Variants in CHURC1 observed in about 807,000 individuals in gnomAD.
CHURC1 encodes protein Churchill.
A neutral mutation model predicts 15.4 loss-of-function variants in CHURC1; 12 were observed. The ratio of observed to expected loss-of-function variants is 0.78; its 90% confidence interval spans 0.50 to 1.27. CHURC1 has a LOEUF of 1.27. CHURC1 is among the 50% of genes most tolerant of loss of function. The pLI is 0.00. For synonymous variants in CHURC1, 42 were observed against 47.5 expected (o/e 0.88, Z 0.48); for missense variants, 132 against 137.8 (o/e 0.96, Z 0.21).
chr14:64,922,305 A>G (rs1181098056), intron 1 of CHURC1, among the ~76,000 whole-genome samples: 1 of 152,128 alleles, frequency 6.6e-6, no homozygotes, highest in East Asian at 1.9e-4. Flanking sequence ...AAGGCTGGGC[A>G]CAGTGGCTCA....
chr14:64,923,912 G>C, intron 1 of CHURC1, 79 bp from the exon 2 acceptor site: 1 of 1,284,584 alleles, frequency 7.8e-7, no homozygotes, highest in Non-Finnish European at 1.0e-6. Context: ...TTTGCCTTTA[G>C]ACATTTTAAG....
chr14:64,923,254 A>T (rs573346272), intron 1 of CHURC1, among the ~76,000 whole-genome samples: 169 of 145,238 alleles, frequency 1.2e-3, no homozygotes, highest in African/African-American at 4.2e-3. Flanking sequence ...GCAACATAGC[A>T]AGACCCCATC....
intron 1 of CHURC1, among the ~76,000 whole-genome samples, chr14:64,915,693 A>T (rs1230691837): frequency 6.6e-6 from 1 of 152,228 alleles, no homozygotes; most frequent in Non-Finnish European, 1.5e-5. Flanking sequence ...AACTACTTTG[A>T]AAAAGCGGGT....
At chr14:64,923,170 A>C (rs186058280) in intron 1 of CHURC1, among the ~76,000 whole-genome samples, 30 of 151,714 alleles carry the variant, frequency 2.0e-4, no homozygotes, top group Admixed American at 1.8e-3. Context: ...ACGGTGGCTC[A>C]CAACTGTAAT....
intron 2 of CHURC1, among the ~76,000 whole-genome samples, chr14:64,924,720 A>G (rs984792832): frequency 4.6e-5 from 7 of 152,218 alleles, no homozygotes; most frequent in African/African-American, 1.7e-4. Context: ...TGGGAAACCA[A>G]ATAAACTATG....
intron 2 of CHURC1, among the ~76,000 whole-genome samples, chr14:64,924,806 T>C (rs1431587901): frequency 6.6e-6 from 1 of 152,240 alleles, no homozygotes; most frequent in African/African-American, 2.4e-5. Flanking sequence ...GTGCCCAATA[T>C]TGTGAGAAGT....
chr14:64,914,835 C>T (rs1172064307), intron 1 of CHURC1, among the ~76,000 whole-genome samples: 1 of 152,256 alleles, frequency 6.6e-6, no homozygotes, highest in Admixed American at 6.5e-5. Context: ...CCCCCACTTC[C>T]GGTCTCATCC....
At chr14:64,923,761 A>G (rs1594896059) in intron 1 of CHURC1, among the ~76,000 whole-genome samples, 1 of 147,592 alleles carries the variant, frequency 6.8e-6, no homozygotes, top group East Asian at 1.9e-4. Context: ...TTACAGACTT[A>G]AGGATCTAAC....
chr14:64,924,244 T>C, intron 2 of CHURC1, 118 bp downstream of exon 2: 1 of 1,207,170 alleles, frequency 8.3e-7, no homozygotes. Flanking sequence ...ACATAATTAC[T>C]AGTTAGGTCT....
intron 1 of CHURC1, among the ~76,000 whole-genome samples, chr14:64,915,687 A>G (rs755149073): frequency 1.3e-4 from 20 of 152,232 alleles, no homozygotes; most frequent in Non-Finnish European, 2.9e-4. Flanking sequence ...TAGTACAACT[A>G]CTTTGAAAAA....
chr14:64,914,976 A>G (rs1243914240), intron 1 of CHURC1, among the ~76,000 whole-genome samples: 1 of 152,242 alleles, frequency 6.6e-6, no homozygotes, highest in Non-Finnish European at 1.5e-5. Context: ...CACTTGCCCA[A>G]GTTCACATTC....
At chr14:64,926,708 G>A (rs1884734950) in intron 3 of CHURC1, among the ~76,000 whole-genome samples, 1 of 152,170 alleles carries the variant, frequency 6.6e-6, no homozygotes, top group Non-Finnish European at 1.5e-5. Flanking sequence ...AGACATTATA[G>A]TATTGTTAAG....
chr14:64,918,690 C>T lies in CHURC1; in HGVS notation c.39+4156C>T, dbSNP rs868666026. On this transcript the variant is annotated intron_variant, in intron 1 of 3. Coordinates refer to ENST00000549115, the MANE Select transcript of CHURC1 (RefSeq NM_001386928.1). The stretch of plus-strand genomic sequence containing the variant: ...TAAAAATTAAAAAACATTAGCCAGG[C>T]GTGGTGGTGTGTGCCTATAGTTCCA... Among the ~76,000 whole-genome samples, 10 of 152,150 alleles carry T rather than the reference C, an allele frequency of 6.6e-5. No homozygotes were observed. In the South Asian group the frequency reaches 8.3e-4, roughly 13 times the overall value.
At chr14:64,920,301 G>A (rs187026590) in intron 1 of CHURC1, among the ~76,000 whole-genome samples, 2 of 152,176 alleles carry the variant, frequency 1.3e-5, no homozygotes, top group Admixed American at 6.5e-5. Flanking sequence ...TAAACATGTC[G>A]ACTTTTTTCC....
intron 1 of CHURC1, among the ~76,000 whole-genome samples, chr14:64,916,762 T>C (rs927528494): frequency 6.6e-6 from 1 of 152,056 alleles, no homozygotes; most frequent in African/African-American, 2.4e-5. Context: ...GTATTTTTAG[T>C]AGAGACAGGG....
intron 1 of CHURC1, among the ~76,000 whole-genome samples, chr14:64,919,883 CAAAAAGAAAA>C: frequency 7.1e-6 from 1 of 140,718 alleles, no homozygotes; most frequent in South Asian, 2.3e-4. Flanking sequence ...GACCATGTCT[CAAAAAGAAAA>C]AAAAAGAAAA....
At chr14:64,927,731 G>GCCA (rs1884821324) in intron 3 of CHURC1, among the ~76,000 whole-genome samples, 15 of 12,324 alleles carry the variant, frequency 1.2e-3, no homozygotes, top group African/African-American at 4.1e-3. Context: ...CCCCCCCGCC[G>GCCA]TCAATTCATA....
chr14:64,919,261 C>G (rs182594540), intron 1 of CHURC1, among the ~76,000 whole-genome samples: 2 of 152,172 alleles, frequency 1.3e-5, no homozygotes, highest in African/African-American at 4.8e-5. Context: ...ATTTTAATTT[C>G]AGCTTGAAAT....
At chr14:64,916,857 C>T (rs1010982543) in intron 1 of CHURC1, among the ~76,000 whole-genome samples, 6 of 152,096 alleles carry the variant, frequency 3.9e-5, no homozygotes, top group South Asian at 2.1e-4. Context: ...GGATTACAGG[C>T]GTGAGCCACC....
Sources: allele counts gnomAD v4.1 joint callset (sites outside exome capture counted in the v4.1 genomes callset), GRCh38; gene constraint gnomAD v4.1.1; transcripts MANE v1.5; gene names NCBI Gene and HGNC (gene_info 2026-07-23, HGNC 2026-07-21).